The following AP2A1 variants were observed in gnomAD, a reference collection of about 807,000 sequenced individuals.
The protein encoded by AP2A1 is adaptor related protein complex 2 subunit alpha 1, also known as AP-2 complex subunit alpha-1.
In AP2A1, 21 loss-of-function variants were observed where a neutral mutation model predicts 107.3. That is an observed-to-expected ratio of 0.20 (90% CI 0.14 to 0.28). The LOEUF (loss-of-function observed/expected upper bound fraction) is 0.28. Among genes scored for constraint, AP2A1 ranks in the 10% least tolerant of loss-of-function variants. The pLI is 1.00. For synonymous variants in AP2A1, 602 were observed against 564.8 expected (o/e 1.07, Z -0.93); for missense variants, 873 against 1,307.7 (o/e 0.67, Z 5.13).
At chr19:49,787,335 TTTG>T (rs1206776844) in intron 4 of AP2A1, among the ~76,000 whole-genome samples, 5 of 104,986 alleles carry the variant, frequency 4.8e-5, no homozygotes, top group African/African-American at 2.1e-4. Flanking sequence ...GCTTTTTTTG[TTTG>T]TTTTTTTTGT....
intron 6 of AP2A1, 105 bp downstream of exon 6, chr19:49,793,197 G>T: frequency 9.1e-7 from 1 of 1,094,192 alleles, no homozygotes; most frequent in Non-Finnish European, 1.3e-6. Context: ...CCAGCCCAAG[G>T]TTTACAAACT....
In AP2A1 at chr19:49,794,612, A is replaced by G. The variant is rs182621744; in HGVS notation, c.706-1018A>G. 4.6e-5 allele frequency among the ~76,000 whole-genome samples: 7 copies of G among 152,294 alleles called. No homozygotes were observed. The East Asian group carries it at 1.2e-3, about 25-fold the overall frequency. Reference sequence around the variant, plus strand: ...GAGGTGGGACAGAGCTTCCTGGAGAAGGGCTTTTCAAGGTTGAATAGGAGT... The same window carrying G: ...GAGGTGGGACAGAGCTTCCTGGAGAGGGGCTTTTCAAGGTTGAATAGGAGT... On this transcript the variant is annotated intron_variant, in intron 6 of 22. Coordinates refer to ENST00000354293, the MANE Select transcript of AP2A1 (RefSeq NM_130787.3).
rs1425718291 is a variant in AP2A1, at chr19:49,788,497, C to T, written c.474-3438C>T. On this transcript the variant is annotated intron_variant, in intron 4 of 22. Coordinates refer to ENST00000354293, the MANE Select transcript of AP2A1 (RefSeq NM_130787.3). This position sits in a 1 kb window ranked among gnomAD's most constrained non-coding sequence, Gnocchi z 4.5. ...GCCCAGAGTCAGGACTCGGGAGATGCGCTGTGGCTCAGGAGATGTGTGCCG... is the reference window on the plus strand; with the variant it reads ...GCCCAGAGTCAGGACTCGGGAGATGTGCTGTGGCTCAGGAGATGTGTGCCG... Among the ~76,000 whole-genome samples, 1 of 150,908 alleles carries T rather than the reference C, an allele frequency of 6.6e-6. No homozygotes were observed. The highest frequency in any genetic ancestry group is 1.5e-5 in the Non-Finnish European group (1 of 67,786).
At chr19:49,795,982 TCTCA>T (rs2073209095) in intron 7 of AP2A1, 4 of 538,638 alleles carry the variant, frequency 7.4e-6, no homozygotes, top group African/African-American at 1.9e-5. Context: ...CTACCCGGGC[TCTCA>T]CTCCAGCCCT....
chr19:49,767,422 C>T (rs1006053941), intron 1 of AP2A1, among the ~76,000 whole-genome samples: 3 of 151,596 alleles, frequency 2.0e-5, no homozygotes, highest in Admixed American at 1.3e-4. Flanking sequence ...CTAGAGGGGT[C>T]CGGGAGGGCT....
Position 49,792,447 on chromosome 19 carries a change from C to T in AP2A1, c.603+383C>T, listed in dbSNP as rs536365394. ...CCCTGGATTCCTGGAGCTTCCCCCT[C>T]GGCGCTGACGTTCACCAGACACCAG... On this transcript the variant is annotated intron_variant, in intron 5 of 22. Transcript: ENST00000354293. 9.9e-5 allele frequency among the ~76,000 whole-genome samples: 15 copies of T among 152,026 alleles called. No individual in the cohort carries two copies. In the East Asian group the frequency reaches 2.3e-3, roughly 24 times the overall value.
intron 7 of AP2A1, chr19:49,796,773 CAG>C (rs1178442048): frequency 6.6e-6 from 1 of 152,228 alleles, no homozygotes; most frequent in African/African-American, 2.4e-5. Flanking sequence ...GTGTATATAT[CAG>C]TGTGTGCATC....
At chr19:49,781,694 AAG>A (rs2084677376) in intron 1 of AP2A1, 61 bp from the exon 2 acceptor site, 2 of 1,506,284 alleles carry the variant, frequency 1.3e-6, no homozygotes, top group South Asian at 1.2e-5. Context: ...GCGCCTAGGA[AAG>A]AGAGGGCAGG....
rs1313415811 is a variant in AP2A1 at position 49,793,079 on chromosome 19, C to T, written c.692C>T (p.Ser231Leu). 5.6e-6 allele frequency: 9 copies of T among 1,605,662 alleles called. No individual in the cohort carries two copies. Among genetic ancestry groups the T allele is most frequent in the African/African-American group, 1.3e-5 (1 of 74,798 alleles). Residue 231 changes from serine (S) to leucine (L), a missense_variant, in exon 6 of 23, where the codon TCG (serine) becomes TTG (leucine). By Grantham distance (145) the Ser-to-Leu change is moderately radical. Coordinates refer to ENST00000354293, the MANE Select transcript of AP2A1 (RefSeq NM_130787.3). ...DFKTCVSLAVSRLSRIVSSAS... is the reference protein window; with the variant it reads ...DFKTCVSLAVLRLSRIVSSAS... ...AAGACGTGCGTCTCTCTGGCTGTGT[C>T]GCGCCTGAGCCGGGTGGGTGTGGCC...
At chr19:49,774,883 C>T (rs546539971) in intron 1 of AP2A1, among the ~76,000 whole-genome samples, 20 of 149,216 alleles carry the variant, frequency 1.3e-4, no homozygotes, top group African/African-American at 4.5e-4. Flanking sequence ...TGTGCCACTG[C>T]GCTCCAGCCT....
chr19:49,776,312 C>T (rs531306865), intron 1 of AP2A1, among the ~76,000 whole-genome samples: 7 of 152,242 alleles, frequency 4.6e-5, no homozygotes, highest in South Asian at 2.1e-4. Flanking sequence ...CTGCCTGGAG[C>T]GCGCCTCCCC....
In AP2A1 at chr19:49,802,124, C is replaced by G. The variant is rs756923021; in HGVS notation, c.2097C>G (p.Pro699=). 9.5e-6 allele frequency: 15 copies of G among 1,575,554 alleles called. No homozygotes were observed. Among genetic ancestry groups the G allele is most frequent in the Non-Finnish European group, 1.1e-5 (13 of 1,167,532 alleles). Residue 699 remains proline (P), a synonymous_variant, in exon 15 of 23, where the codon CCC becomes CCG. Transcript: ENST00000354293. The part of the protein sequence containing the change: ...PAAQPSLGPT[P]EEAFLSPGPE... ...CCCAGCCCAGCCTGGGGCCCACCCC[C>G]GAGGAGGCCTTCCTCAGGTAGCACC... is the stretch of plus-strand genomic sequence containing the variant.
chr19:49,781,038 G>A (rs1419344276), intron 1 of AP2A1, among the ~76,000 whole-genome samples: 5 of 152,082 alleles, frequency 3.3e-5, no homozygotes, highest in East Asian at 1.9e-4. Flanking sequence ...GCATCCAGTC[G>A]GATTGTGCTC....
intron 4 of AP2A1, among the ~76,000 whole-genome samples, chr19:49,784,965 A>C (rs1392620248): frequency 6.6e-6 from 1 of 152,256 alleles, no homozygotes; most frequent in East Asian, 1.9e-4. Flanking sequence ...AGCCAAAGCC[A>C]GAATTAGTGG....
At chr19:49,805,207 GCTAATA>G in intron 18 of AP2A1, 1 of 455,850 alleles carries the variant, frequency 2.2e-6, no homozygotes, top group Non-Finnish European at 3.9e-6. Flanking sequence ...AGCCTCCAGA[GCTAATA>G]CTATTATGTC....
chr19:49,802,300 C>T, intron 15 of AP2A1, 159 bp downstream of exon 15: 3 of 832,290 alleles, frequency 3.6e-6, no homozygotes, highest in Non-Finnish European at 4.0e-6. Context: ...CTCCCCTGCC[C>T]CAGCCTCCCT....
chr19:49,779,506 A>AC (rs2084652247), intron 1 of AP2A1, among the ~76,000 whole-genome samples: 6 of 151,442 alleles, frequency 4.0e-5, no homozygotes, highest in African/African-American at 1.5e-4. Flanking sequence ...AAAAAAAAAA[A>AC]AAAAACAGAA....
chr19:49,789,176 G>A (rs1019210454), intron 4 of AP2A1, among the ~76,000 whole-genome samples: 2 of 152,168 alleles, frequency 1.3e-5, no homozygotes, highest in Non-Finnish European at 2.9e-5. Context: ...TGTGTCTTTT[G>A]CTGTCTGTTG....
chr19:49,799,811 G>A (rs533348822), intron 10 of AP2A1, 45 bp downstream of exon 10: 32 of 1,594,980 alleles, frequency 2.0e-5, no homozygotes, highest in East Asian at 1.1e-4. Flanking sequence ...TCTGAGGCAG[G>A]AGGTGGCTGG....
Sources: gnomAD v4.1 joint callset for allele counts (sites outside exome capture counted in the v4.1 genomes callset) on GRCh38, gnomAD v4.1.1 for gene constraint, Gnocchi (gnomAD v3.1) non-coding constraint, MANE v1.5 for transcripts, NCBI Gene and HGNC (gene_info 2026-07-23, HGNC 2026-07-21) for gene names.